The following ZMYM2 variants were observed in gnomAD, a reference collection of about 807,000 sequenced individuals.
ZMYM2 encodes the protein zinc finger MYM-type containing 2, also known as zinc finger MYM-type protein 2.
Under a neutral mutation model 162.8 loss-of-function variants are expected in ZMYM2, and 56 were observed. The observed-to-expected ratio is 0.34, with a 90% CI of 0.28 to 0.43. The LOEUF (loss-of-function observed/expected upper bound fraction) is 0.43. Ranked by LOEUF, ZMYM2 falls within the 20% of genes least tolerant of loss-of-function variation. The pLI, the probability that ZMYM2 is intolerant of heterozygous loss-of-function variation, is 1.00. For synonymous variants in ZMYM2, 510 were observed against 541.6 expected (o/e 0.94, Z 0.81); for missense variants, 1,275 against 1,621.8 (o/e 0.79, Z 3.67).
At chr13:19,915,305 G>C in the ZMYM2 span, among the ~76,000 whole-genome samples, 17 of 152,064 alleles carry the variant, frequency 1.1e-4, no homozygotes, top group African/African-American at 4.1e-4. Context: ...ATGTTGGCCA[G>C]GTTGGTCTTG....
chr13:20,004,342 G>A lies in ZMYM2; in HGVS notation c.1134-732G>A, dbSNP rs139624653. On this transcript the variant is annotated intron_variant, in intron 4 of 24. Coordinates refer to ENST00000610343, the MANE Select transcript of ZMYM2 (RefSeq NM_197968.4). Reference sequence around the variant, plus strand: ...CTGATCTCCGCTCACTGCAAGCTCCGTCTCCTGGGTTCATGCCGTTCTCCT... The same window carrying A: ...CTGATCTCCGCTCACTGCAAGCTCCATCTCCTGGGTTCATGCCGTTCTCCT... 4.6e-3 allele frequency among the ~76,000 whole-genome samples: 693 copies of A among 152,080 alleles called. 6 individuals are homozygous for A. The highest frequency in any genetic ancestry group is 0.015 in the African/African-American group (631 of 41,512).
chr13:19,909,168 G>C, the ZMYM2 span, among the ~76,000 whole-genome samples: 2 of 152,044 alleles, frequency 1.3e-5, no homozygotes, highest in African/African-American at 4.8e-5. Flanking sequence ...CATTTTAATT[G>C]CTTAATGTTT....
At chr13:20,037,013 C>A in intron 12 of ZMYM2, 104 bp downstream of exon 12, 3 of 1,087,662 alleles carry the variant, frequency 2.8e-6, no homozygotes, top group Non-Finnish European at 3.8e-6. Flanking sequence ...AAAATGTACA[C>A]ACTTAAGGCC....
intron 10 of ZMYM2, 52 bp from the exon 11 acceptor site, chr13:20,034,201 TA>T: frequency 7.1e-7 from 1 of 1,417,918 alleles, no homozygotes; most frequent in Non-Finnish European, 9.2e-7. Flanking sequence ...GTGGCGTGTT[TA>T]TTTCTTAAGC....
intron 11 of ZMYM2, among the ~76,000 whole-genome samples, chr13:20,036,477 A>G (rs1953715547): frequency 6.6e-6 from 1 of 152,202 alleles, no homozygotes; most frequent in African/African-American, 2.4e-5. Context: ...TTCTGTTTAA[A>G]TAGAACAAAT....
chr13:20,028,743 C>G (rs970228787), intron 9 of ZMYM2, among the ~76,000 whole-genome samples: 3 of 151,820 alleles, frequency 2.0e-5, no homozygotes, highest in African/African-American at 7.3e-5. Context: ...AGTTGTTATA[C>G]TGTATTGTTT....
At chr13:19,958,547 A>T (rs1332524070), upstream of ZMYM2, 1 of 150,552 alleles carries the variant, frequency 6.6e-6, no homozygotes, top group East Asian at 2.0e-4. Flanking sequence ...GGGCCGGGGG[A>T]GTGGCCCGCA....
the ZMYM2 span, among the ~76,000 whole-genome samples, chr13:19,923,280 C>A: frequency 7.2e-6 from 1 of 138,190 alleles, no homozygotes; most frequent in Admixed American, 8.3e-5. Flanking sequence ...TCCCTTGAAC[C>A]CAGGAGGTGG....
chr13:19,911,661 T>C, the ZMYM2 span, among the ~76,000 whole-genome samples: 1 of 152,190 alleles, frequency 6.6e-6, no homozygotes, highest in Non-Finnish European at 1.5e-5. Context: ...TTAGCTGAAG[T>C]CCATCATCTC....
the ZMYM2 span, among the ~76,000 whole-genome samples, chr13:19,871,087 G>A: frequency 1.3e-5 from 2 of 151,630 alleles, no homozygotes; most frequent in African/African-American, 2.4e-5. Flanking sequence ...AAAAAAATAA[G>A]CAAAACAAAA....
intron 2 of ZMYM2, chr13:19,970,063 G>C: frequency 1.0e-6 from 1 of 985,200 alleles, no homozygotes; most frequent in Non-Finnish European, 1.2e-6. Flanking sequence ...TTGAAGTCAC[G>C]TAAAGAAGGT....
chr13:19,913,494 G>A, the ZMYM2 span, among the ~76,000 whole-genome samples: 3 of 152,146 alleles, frequency 2.0e-5, no homozygotes, highest in Non-Finnish European at 4.4e-5. Flanking sequence ...GGAGGCCAAG[G>A]TGGGCGGATC....
At chr13:20,072,410 A>T (rs779487778) in intron 21 of ZMYM2, among the ~76,000 whole-genome samples, 1 of 152,186 alleles carries the variant, frequency 6.6e-6, no homozygotes, top group Non-Finnish European at 1.5e-5. Flanking sequence ...AGTCCCAGCT[A>T]CTTGGGAGGC....
chr13:20,086,042 T>A lies in ZMYM2; in HGVS notation c.*28T>A, dbSNP rs982437539. ...AGGAACGTTGCAGAAGCAATCGGGATAAAACAGCATTAGATAGTCATGCTG... is the reference window on the plus strand; with the variant it reads ...AGGAACGTTGCAGAAGCAATCGGGAAAAAACAGCATTAGATAGTCATGCTG... On this transcript the variant is annotated 3_prime_UTR_variant, in exon 25 of 25. Coordinates refer to ENST00000610343, the MANE Select transcript of ZMYM2 (RefSeq NM_197968.4). 2 of 1,601,258 alleles carry A rather than the reference T, an allele frequency of 1.2e-6. No homozygotes were observed. The highest frequency in any genetic ancestry group is 1.7e-6 in the Non-Finnish European group (2 of 1,171,950).
chr13:19,987,614 T>C (rs1418172599), intron 2 of ZMYM2, among the ~76,000 whole-genome samples: 1 of 115,288 alleles, frequency 8.7e-6, no homozygotes, highest in African/African-American at 3.5e-5. Context: ...AAAGATGGGG[T>C]TTTGTCGTGT....
chr13:20,051,721 G>A lies in ZMYM2; in HGVS notation c.2458+123G>A, dbSNP rs367608216. Reference sequence around the variant, plus strand: ...ATAGCTTAACAGCAACTTAAATTCCGTAGATTCTCTGGGTCGAAGTACCCT... The same window carrying A: ...ATAGCTTAACAGCAACTTAAATTCCATAGATTCTCTGGGTCGAAGTACCCT... On this transcript the variant is annotated intron_variant, in intron 13 of 24. Coordinates refer to ENST00000610343, the MANE Select transcript of ZMYM2 (RefSeq NM_197968.4). The A allele has an allele frequency of 4.4e-5, 43 of 967,002 alleles. No individual in the cohort carries two copies. The Middle Eastern group carries it at 7.5e-4, about 17-fold the overall frequency. 59.9% of individuals were successfully genotyped at this position (967,002 alleles called of 1,614,324 possible). A position where few individuals can be genotyped will look rare whatever the true frequency, so the allele number is the denominator to read the frequency against.
At chr13:19,990,238 A>G (rs1375773962) in intron 2 of ZMYM2, among the ~76,000 whole-genome samples, 2 of 152,368 alleles carry the variant, frequency 1.3e-5, no homozygotes, top group East Asian at 1.9e-4. Context: ...TATCTTGTGC[A>G]TACTAGGTGC....
intron 17 of ZMYM2, among the ~76,000 whole-genome samples, chr13:20,061,884 C>T (rs530628426): frequency 6.6e-6 from 1 of 152,146 alleles, no homozygotes; most frequent in East Asian, 1.9e-4. Flanking sequence ...CACCCAGCCC[C>T]TAGTTTTCTT....
At chr13:19,899,319 T>G in the ZMYM2 span, among the ~76,000 whole-genome samples, 2 of 152,052 alleles carry the variant, frequency 1.3e-5, no homozygotes, top group African/African-American at 4.8e-5. Context: ...GTAAAACTTA[T>G]GAAATTCAGT....
Sources: allele counts gnomAD v4.1 joint callset (sites outside exome capture counted in the v4.1 genomes callset), GRCh38; gene constraint gnomAD v4.1.1; transcripts MANE v1.5; gene names NCBI Gene and HGNC (gene_info 2026-07-23, HGNC 2026-07-21).